USP2: variants seen among roughly 807,000 people sequenced by gnomAD.
The protein encoded by USP2 is ubiquitin specific peptidase 2.
A neutral mutation model predicts 72.0 loss-of-function variants in USP2; 33 were observed. The ratio of observed to expected loss-of-function variants is 0.46; its 90% CI spans 0.35 to 0.61. The LOEUF (loss-of-function observed/expected upper bound fraction) is 0.61, where lower values mean the gene tolerates loss of function less well. Ranked by LOEUF, USP2 falls within the 20% of genes least tolerant of loss-of-function variation. USP2 has a pLI of 0.01. For missense variants in USP2, 691 were observed against 797.8 expected (o/e 0.87, Z 1.61); for synonymous variants, 296 against 312.5 (o/e 0.95, Z 0.56).
chr11:119,380,059 C>T (rs984914684), intron 1 of USP2, among the ~76,000 whole-genome samples: 4 of 151,700 alleles, frequency 2.6e-5, no homozygotes, highest in Non-Finnish European at 5.9e-5. Flanking sequence ...GGACTACAGG[C>T]TCCCGCCAGC....
At chr11:119,364,116 G>C in intron 2 of USP2, 1 of 1,224,780 alleles carries the variant, frequency 8.2e-7, no homozygotes, top group African/African-American at 1.6e-5. Flanking sequence ...ACAGGACAGC[G>C]TCCGCGGCGC....
intron 2 of USP2, among the ~76,000 whole-genome samples, chr11:119,369,884 A>C (rs1185230324): frequency 6.6e-6 from 1 of 152,136 alleles, no homozygotes; most frequent in Non-Finnish European, 1.5e-5. Context: ...TACCTATTTA[A>C]GAACTTCTTC....
At chr11:119,378,907 C>G (rs1951031222) in intron 1 of USP2, 1 of 905,218 alleles carries the variant, frequency 1.1e-6, no homozygotes, top group South Asian at 5.1e-5. Context: ...CCCACCGGGC[C>G]CAATGGGGTG....
chr11:119,367,043 A>G (rs376411769), intron 2 of USP2, among the ~76,000 whole-genome samples: 1 of 152,214 alleles, frequency 6.6e-6, no homozygotes, highest in Admixed American at 6.5e-5. Flanking sequence ...ACACGGCCAC[A>G]AAGGACCTTG....
In USP2 at chr11:119,361,817, T is replaced by A. The variant is rs551339656; in HGVS notation, c.775-1583A>T. Among the ~76,000 whole-genome samples the A allele has an allele frequency of 4.2e-4, 64 of 152,244 alleles. No homozygotes were observed. In the South Asian group the frequency reaches 7.3e-3, roughly 17 times the overall value. On this transcript the variant is annotated intron_variant, in intron 2 of 12. Transcript: ENST00000260187. ...AGGCCAATTGGCAGCAGGTGGGATATAAGCATCCTTAGAGAACTTGGCTAG... is the reference window on the plus strand; with the variant it reads ...AGGCCAATTGGCAGCAGGTGGGATAAAAGCATCCTTAGAGAACTTGGCTAG...
Position 119,357,834 on chromosome 11 carries a change from G to A in USP2, c.1424C>T (p.Thr475Ile). The change falls in exon 10 of 13, where the codon ACA becomes ATA. Residue 475 changes from threonine (T) to isoleucine (I), a missense_variant and splice_region_variant. Coordinates refer to ENST00000260187, the MANE Select transcript of USP2 (RefSeq NM_004205.5). Reference protein sequence around the residue: ...EDVLDGDEKPTCCRCRGRKRC... With the variant: ...EDVLDGDEKPICCRCRGRKRC... ...TTTTCTGCCTCGGCAGCGACAGCAT[G>A]TCTGAGAGACAAGACAAACAGAAAG... 1 of 1,612,826 alleles carries A rather than the reference G, an allele frequency of 6.2e-7. No homozygotes were observed. The highest frequency in any genetic ancestry group is 8.5e-7 in the Non-Finnish European group (1 of 1,179,234).
chr11:119,360,713 C>T (rs1471578981), intron 2 of USP2, among the ~76,000 whole-genome samples: 2 of 152,190 alleles, frequency 1.3e-5, no homozygotes, highest in Non-Finnish European at 2.9e-5. Flanking sequence ...GCGTGAGCCA[C>T]CGCGTCCTGC....
At chr11:119,359,780 T>G (rs1267574347) in intron 3 of USP2, 120 bp from the exon 4 acceptor site, 2 of 1,371,056 alleles carry the variant, frequency 1.5e-6, no homozygotes, top group African/African-American at 2.9e-5. Flanking sequence ...GGCTATCCTT[T>G]CATAGCCTCA....
rs201446799 is a variant in USP2 at position 119,357,931 on chromosome 11, C to T, written c.1422+50G>A. ...GGATCTGCTGGTATCAGCCTCTTCCCAGTAGGTCCCACGGAAATTTGTTCT... is the reference window on the plus strand; with the variant it reads ...GGATCTGCTGGTATCAGCCTCTTCCTAGTAGGTCCCACGGAAATTTGTTCT... On this transcript the variant is annotated intron_variant, in intron 9 of 12. Coordinates refer to ENST00000260187, the MANE Select transcript of USP2 (RefSeq NM_004205.5). The T allele has an allele frequency of 3.0e-5, 49 of 1,613,738 alleles. No individual in the cohort carries two copies. In the Middle Eastern group the frequency reaches 8.3e-4, roughly 27 times the overall value.
Position 119,356,073 on chromosome 11 carries a change from C to T in USP2, c.*762G>A, listed in dbSNP as rs878924355. On this transcript the variant is annotated 3_prime_UTR_variant, in exon 13 of 13. Coordinates refer to ENST00000260187, the MANE Select transcript of USP2 (RefSeq NM_004205.5). ...AAAAAAAAAAAAAAAAAACCCAAAC[C>T]CCCAAAACAGAAACTTGTTTTAGAT... 1 of 148,844 alleles carries T rather than the reference C, an allele frequency of 6.7e-6. No homozygotes were observed. The highest frequency in any genetic ancestry group is 2.4e-5 in the African/African-American group (1 of 40,844). The allele number at this position is 148,844 out of a possible 1,614,324, so 9.2% of individuals were successfully genotyped here.
At chr11:119,364,993 A>G (rs763630144) in intron 2 of USP2, among the ~76,000 whole-genome samples, 3 of 152,104 alleles carry the variant, frequency 2.0e-5, no homozygotes, top group African/African-American at 4.8e-5. Context: ...GCATGGGGCG[A>G]GTGTTCTACT....
chr11:119,357,089 CGGGGGGTGGGA>C (rs1238745387), intron 12 of USP2, 87 bp downstream of exon 12: 17 of 562,392 alleles, frequency 3.0e-5, no homozygotes, highest in Admixed American at 1.8e-4. Context: ...GTAAGCCGTG[CGGGGGGTGGGA>C]GGGGGGTGGG....
At chr11:119,363,646 G>T (rs1364642108) in intron 2 of USP2, among the ~76,000 whole-genome samples, 1 of 151,420 alleles carries the variant, frequency 6.6e-6, no homozygotes, top group Non-Finnish European at 1.5e-5. Flanking sequence ...GACTTCCTCG[G>T]ACCTCCACCC....
At chr11:119,356,970 C>T in intron 12 of USP2, 48 bp from the exon 13 acceptor site, 2 of 1,541,242 alleles carry the variant, frequency 1.3e-6, no homozygotes, top group Non-Finnish European at 1.8e-6. Flanking sequence ...GACCGGGAGA[C>T]CCCCCGCCGG....
chr11:119,380,388 G>C (rs1015016309), intron 1 of USP2, among the ~76,000 whole-genome samples: 3 of 151,992 alleles, frequency 2.0e-5, no homozygotes, highest in Non-Finnish European at 4.4e-5. Flanking sequence ...GAAAAATACG[G>C]CAAGTGCAGC....
chr11:119,373,647 G>T, intron 1 of USP2, 126 bp from the exon 2 acceptor site: 1 of 957,072 alleles, frequency 1.0e-6, no homozygotes, highest in Non-Finnish European at 1.5e-6. Flanking sequence ...GAGGCAGGCT[G>T]GCTGCTGAGA....
chr11:119,367,319 G>A (rs1475818532), intron 2 of USP2, among the ~76,000 whole-genome samples: 7 of 152,218 alleles, frequency 4.6e-5, no homozygotes, highest in African/African-American at 1.7e-4. Context: ...ATGAGATGGA[G>A]TGATATAAAT....
Position 119,355,223 on chromosome 11 carries a change from CA to C in USP2, c.*1611del, listed in dbSNP as rs1950634091. The stretch of plus-strand genomic sequence containing the variant: ...TTCCAACATCTGCCAACTGATTTCT[CA>C]AAGCTATTATTTATTCTGTACAAGG... On this transcript the variant is annotated 3_prime_UTR_variant, in exon 13 of 13. Transcript: ENST00000260187. 6.6e-6 allele frequency: 1 copy of C among 152,170 alleles called. No individual in the cohort carries two copies. The highest frequency in any genetic ancestry group is 2.4e-5 in the African/African-American group (1 of 41,442). 9.4% of individuals were successfully genotyped at this position (152,170 alleles called of 1,614,324 possible).
intron 2 of USP2, among the ~76,000 whole-genome samples, chr11:119,361,673 TA>T (rs1267282850): frequency 6.6e-6 from 1 of 152,040 alleles, no homozygotes; most frequent in African/African-American, 2.4e-5. Flanking sequence ...AGAACTGCCT[TA>T]CCGATCCCAC....
Sources: allele counts gnomAD v4.1 joint callset (sites outside exome capture counted in the v4.1 genomes callset), GRCh38; gene constraint gnomAD v4.1.1; transcripts MANE v1.5; gene names NCBI Gene and HGNC (gene_info 2026-07-23, HGNC 2026-07-21).